The following CRYZ variants were observed in gnomAD, a reference collection of about 807,000 sequenced individuals.
CRYZ encodes the protein crystallin zeta.
In CRYZ, 35 loss-of-function variants were observed where a neutral mutation model predicts 34.1. That is an observed-to-expected ratio of 1.03 (90% CI 0.78 to 1.36). The LOEUF is 1.36. Ranked by LOEUF, CRYZ falls within the 40% of genes most tolerant of loss-of-function variation. The probability of loss-of-function intolerance (pLI) is 0.00; values close to 1 mark genes in which losing one functional copy is unlikely to be tolerated. For synonymous variants in CRYZ, 137 were observed against 136.5 expected, an observed-to-expected ratio of 1.00 and a Z score of -0.03; for missense variants, 403 against 391.8, an observed-to-expected ratio of 1.03 and a Z score of -0.24.
At chr1:74,727,290 A>G (rs1570020789) in intron 1 of CRYZ, among the ~76,000 whole-genome samples, 1 of 148,018 alleles carries the variant, frequency 6.8e-6, no homozygotes, top group East Asian at 1.9e-4. Context: ...AAGGGATCAC[A>G]GTTTCACGTG....
intron 1 of CRYZ, among the ~76,000 whole-genome samples, chr1:74,730,071 TA>T (rs979144000): frequency 3.3e-5 from 5 of 152,040 alleles, no homozygotes; most frequent in African/African-American, 1.2e-4. Context: ...ATGATTACCA[TA>T]AAAAAACTGT....
chr1:74,727,046 G>T (rs999562241), intron 1 of CRYZ, among the ~76,000 whole-genome samples: 5 of 151,588 alleles, frequency 3.3e-5, no homozygotes, highest in African/African-American at 1.2e-4. Context: ...CAGCATTTTG[G>T]TCAAAGCCAT....
At chr1:74,713,314 G>T (rs1040552543) in intron 5 of CRYZ, among the ~76,000 whole-genome samples, 2 of 152,114 alleles carry the variant, frequency 1.3e-5, no homozygotes, top group Non-Finnish European at 2.9e-5. Context: ...TTTCCCTTCT[G>T]CACAGAGCAC....
At chr1:74,717,710 T>C (rs1647096804) in intron 4 of CRYZ, among the ~76,000 whole-genome samples, 1 of 152,196 alleles carries the variant, frequency 6.6e-6, no homozygotes, top group African/African-American at 2.4e-5. Flanking sequence ...ACTAGTACTA[T>C]GTGAAGACAT....
At chr1:74,718,752 A>G (rs1021430467) in intron 4 of CRYZ, among the ~76,000 whole-genome samples, 1 of 143,148 alleles carries the variant, frequency 7.0e-6, no homozygotes, top group African/African-American at 3.0e-5. Context: ...AACTGACCAG[A>G]GGGTCTGGGG....
rs1002971389 is a variant in CRYZ at position 74,714,638 on chromosome 1, G to T, written c.429-8C>A. 7.4e-6 allele frequency: 12 copies of T among 1,613,260 alleles called. No homozygotes were observed. In the East Asian group the frequency reaches 2.5e-4, roughly 33 times the overall value. On this transcript the variant is annotated splice_polypyrimidine_tract_variant and splice_region_variant and intron_variant, in intron 4 of 8. Coordinates refer to ENST00000340866, the MANE Select transcript of CRYZ (RefSeq NM_001889.4). ...CCAGCTTTCACACAGGCACTGCAAAGGAAAGCATAAGTTACATCACCTTAT... is the reference window on the plus strand; with the variant it reads ...CCAGCTTTCACACAGGCACTGCAAATGAAAGCATAAGTTACATCACCTTAT...
chr1:74,732,903 A>G (rs773093248), intron 1 of CRYZ, 53 bp downstream of exon 1: 24 of 263,338 alleles, frequency 9.1e-5, no homozygotes, highest in Non-Finnish European at 1.6e-4. Context: ...TTGGACGAGC[A>G]GTGGGGAGAT....
chr1:74,715,033 C>G (rs939834218), intron 4 of CRYZ, among the ~76,000 whole-genome samples: 1 of 152,110 alleles, frequency 6.6e-6, no homozygotes, highest in Non-Finnish European at 1.5e-5. Flanking sequence ...AGTCTTTATT[C>G]TGTGGTCTAG....
intron 1 of CRYZ, among the ~76,000 whole-genome samples, chr1:74,725,539 T>C (rs982843877): frequency 6.6e-6 from 1 of 152,128 alleles, no homozygotes; most frequent in Non-Finnish European, 1.5e-5. Context: ...CCATGACACA[T>C]GGGAATTATG....
rs186273449 is a variant in CRYZ at position 74,712,004 on chromosome 1, G to A, written c.481-1757C>T. Reference sequence around the variant, plus strand: ...AGGTGAGTGGATCACCTGGGGTCAGGAATTCGATACCAGCCTGGGCAACCT... The same window carrying A: ...AGGTGAGTGGATCACCTGGGGTCAGAAATTCGATACCAGCCTGGGCAACCT... On this transcript the variant is annotated intron_variant, in intron 5 of 8. Transcript: ENST00000340866. Among the ~76,000 whole-genome samples the A allele has an allele frequency of 2.6e-4, 40 of 152,202 alleles. 2 individuals are homozygous for A. The East Asian group carries it at 7.0e-3, about 26-fold the overall frequency.
rs6668086 is a variant in CRYZ at position 74,707,102 on chromosome 1, C to T, written c.732+1G>A. On this transcript the variant is annotated splice_donor_variant, in intron 7 of 8. Coordinates refer to ENST00000340866, the MANE Select transcript of CRYZ (RefSeq NM_001889.4). LOFTEE classifies it high-confidence loss of function. ...AAAAAAAAAAGAAAAGGAATACTTA[C>T]TATCACTCGTCCTCCATGTGACAGA... The T allele has an allele frequency of 2.8e-4, 437 of 1,553,570 alleles. 1 individual carries two copies. The African/African-American group carries it at 5.5e-3, about 20-fold the overall frequency.
At chr1:74,713,096 G>C (rs1286830797) in intron 5 of CRYZ, among the ~76,000 whole-genome samples, 2 of 152,034 alleles carry the variant, frequency 1.3e-5, no homozygotes, top group Non-Finnish European at 2.9e-5. Context: ...CCCTCTGATA[G>C]GACAGGGAGG....
At chr1:74,724,577 TG>T (rs1557732316) in intron 2 of CRYZ, 133 bp downstream of exon 2, 2 of 580,360 alleles carry the variant, frequency 3.4e-6, no homozygotes, top group African/African-American at 3.8e-5. Flanking sequence ...AATGTCCATA[TG>T]TATACATAGT....
At chr1:74,717,448 T>A (rs1010234345) in intron 4 of CRYZ, among the ~76,000 whole-genome samples, 19 of 152,118 alleles carry the variant, frequency 1.2e-4, no homozygotes, top group African/African-American at 4.6e-4. Context: ...CAACTGTCAT[T>A]TTTTTCTGAA....
At chr1:74,718,121 C>T (rs974109602) in intron 4 of CRYZ, among the ~76,000 whole-genome samples, 3 of 152,076 alleles carry the variant, frequency 2.0e-5, no homozygotes, top group African/African-American at 4.8e-5. Flanking sequence ...TTAAACATGA[C>T]CCAAGCTAGA....
At chr1:74,706,756 G>T in intron 8 of CRYZ, 143 bp downstream of exon 8, 1 of 707,804 alleles carries the variant, frequency 1.4e-6, no homozygotes, top group Non-Finnish European at 2.5e-6. Context: ...TGTCACCCTA[G>T]TTGTCCTTCT....
chr1:74,729,065 A>G (rs1449798947), intron 1 of CRYZ, among the ~76,000 whole-genome samples: 1 of 152,226 alleles, frequency 6.6e-6, no homozygotes, highest in Non-Finnish European at 1.5e-5. Context: ...AGAAAATAAA[A>G]AAGAAAAAGG....
At chr1:74,714,752 C>T in intron 4 of CRYZ, 122 bp from the exon 5 acceptor site, 1 of 847,068 alleles carries the variant, frequency 1.2e-6, no homozygotes, top group Non-Finnish European at 1.9e-6. Context: ...ACAGCAAATG[C>T]AACCTGACAT....
At chr1:74,721,982 T>G (rs182547540) in intron 3 of CRYZ, among the ~76,000 whole-genome samples, 1 of 152,222 alleles carries the variant, frequency 6.6e-6, no homozygotes, top group Non-Finnish European at 1.5e-5. Flanking sequence ...AATTGCCACA[T>G]GTAGCTAGTG....
Sources: gnomAD v4.1 joint callset for allele counts (sites outside exome capture counted in the v4.1 genomes callset) on GRCh38, gnomAD v4.1.1 for gene constraint, MANE v1.5 for transcripts, NCBI Gene and HGNC (gene_info 2026-07-23, HGNC 2026-07-21) for gene names.